Variants in CCDC60 observed in about 807,000 individuals in gnomAD.
CCDC60 encodes coiled-coil domain-containing protein 60.
CCDC60 carries 54 observed loss-of-function variants against 63.5 expected under a neutral mutation model. The ratio of observed to expected loss-of-function variants is 0.85; its 90% CI spans 0.68 to 1.07. The LOEUF (loss-of-function observed/expected upper bound fraction) is 1.07. Ranked by LOEUF, CCDC60 falls within the 50% of genes least tolerant of loss-of-function variation. The pLI is 0.00. For missense variants in CCDC60, 651 were observed against 684.3 expected (o/e 0.95, Z 0.54); for synonymous variants, 206 against 238.8 (o/e 0.86, Z 1.27).
intron 2 of CCDC60, among the ~76,000 whole-genome samples, chr12:119,451,638 G>A (rs1278793131): frequency 2.6e-5 from 4 of 152,164 alleles, no homozygotes; most frequent in Admixed American, 1.3e-4. Context: ...CATCTAGAAT[G>A]TAGATTCTTT....
chr12:119,457,716 C>T lies in CCDC60; in HGVS notation c.171-14278C>T, dbSNP rs184149988. Among the ~76,000 whole-genome samples, 337 of 150,436 alleles carry T rather than the reference C, an allele frequency of 2.2e-3. 5 individuals are homozygous for T. Among genetic ancestry groups the T allele is most frequent in the South Asian group, 0.017 (83 of 4,794 alleles). On this transcript the variant is annotated intron_variant, in intron 2 of 13. Transcript: ENST00000327554. ...ACAAAGATATTAACTTGGTGGTTGG[C>T]GGGGGGGAGAATAATACAACACATC...
intron 11 of CCDC60, 54 bp from the exon 12 acceptor site, chr12:119,528,561 G>A (rs1952753936): frequency 4.4e-6 from 7 of 1,576,824 alleles, no homozygotes; most frequent in Non-Finnish European, 4.3e-6. Context: ...AGCTAAGATG[G>A]TTACAGGAGG....
intron 1 of CCDC60, among the ~76,000 whole-genome samples, chr12:119,385,727 G>A (rs1956053097): frequency 6.6e-6 from 1 of 152,186 alleles, no homozygotes; most frequent in African/African-American, 2.4e-5. Flanking sequence ...TTTGCTACAT[G>A]GACTTGGTTG....
chr12:119,519,401 A>ATGTGTGTGTGTGTGTGTG (rs141127258), intron 8 of CCDC60, among the ~76,000 whole-genome samples: 1 of 136,412 alleles, frequency 7.3e-6, no homozygotes, highest in Non-Finnish European at 1.5e-5. Context: ...AGTGATATAT[A>ATGTGTGTGTGTGTGTGTG]TGTGTGTGTG....
At chr12:119,499,424 C>T (rs184093209) in intron 5 of CCDC60, among the ~76,000 whole-genome samples, 3 of 152,348 alleles carry the variant, frequency 2.0e-5, no homozygotes, top group Admixed American at 1.3e-4. Flanking sequence ...GAAGCTTTAG[C>T]TTCATTCGTT....
intron 1 of CCDC60, among the ~76,000 whole-genome samples, chr12:119,409,417 A>C (rs1353803436): frequency 5.9e-5 from 9 of 152,254 alleles, no homozygotes; most frequent in African/African-American, 2.2e-4. Context: ...TGACAGCCAA[A>C]AAGAACTTCT....
chr12:119,354,078 C>CTCTT (rs5801334), intron 1 of CCDC60, among the ~76,000 whole-genome samples: 93 of 151,156 alleles, frequency 6.2e-4, no homozygotes, highest in African/African-American at 2.1e-3. Context: ...CTCTCTCTCT[C>CTCTT]GTCTCTCTCC....
rs760427436 is a variant in CCDC60 at position 119,505,115 on chromosome 12, CA to C, written c.697del (p.Ser233AlafsTer9). ...ACAATGCGAGTCACCAACCGCAAAC[CA>C]AGCCGGCGAGGCTCCACACTCAGTC... ...IPTMRVTNRK[P>X]SRRGSTLSLS... is the part of the protein sequence containing the mutation. On this transcript the variant is annotated frameshift_variant, in exon 7 of 14. Transcript: ENST00000327554. LOFTEE classifies it high-confidence loss of function. 1.9e-6 allele frequency: 3 copies of C among 1,611,536 alleles called. No homozygotes were observed. Among genetic ancestry groups the C allele is most frequent in the Non-Finnish European group, 1.7e-6 (2 of 1,178,314 alleles).
intron 7 of CCDC60, among the ~76,000 whole-genome samples, chr12:119,510,149 G>A (rs1379703275): frequency 6.6e-6 from 1 of 152,234 alleles, no homozygotes; most frequent in East Asian, 1.9e-4. Context: ...TGAGTCAGAA[G>A]GGACTTTCTA....
chr12:119,335,718 T>C (rs978264264), intron 1 of CCDC60, among the ~76,000 whole-genome samples: 10 of 152,158 alleles, frequency 6.6e-5, no homozygotes, highest in Admixed American at 2.6e-4. Context: ...CAGATAAGTA[T>C]GTTGCGAAAA....
chr12:119,508,391 G>A (rs1952111666), intron 7 of CCDC60, among the ~76,000 whole-genome samples: 1 of 151,794 alleles, frequency 6.6e-6, no homozygotes, highest in East Asian at 1.9e-4. Context: ...TGAGGCAGGA[G>A]AATCGCTTGA....
At chr12:119,393,278 T>C (rs2136202203) in intron 1 of CCDC60, among the ~76,000 whole-genome samples, 1 of 152,318 alleles carries the variant, frequency 6.6e-6, no homozygotes, top group East Asian at 1.9e-4. Flanking sequence ...ATTTGGGCCA[T>C]TTCAAAGATT....
chr12:119,484,459 T>C (rs766386073), intron 4 of CCDC60, among the ~76,000 whole-genome samples: 54 of 152,160 alleles, frequency 3.5e-4, no homozygotes, highest in Non-Finnish European at 4.7e-4. Flanking sequence ...CTCACGTCTG[T>C]AATCCCAGCA....
rs145775308 is a variant in CCDC60 at position 119,449,001 on chromosome 12, C to G, written c.170+20239C>G. Among the ~76,000 whole-genome samples, 424 of 152,324 alleles carry G rather than the reference C, an allele frequency of 2.8e-3. 3 individuals are homozygous for G. The highest frequency in any genetic ancestry group is 0.02 in the Middle Eastern group (6 of 294). Reference sequence around the variant, plus strand: ...GAAGTCAGGCGGTGGGGATTGCAGCCTGGTCAGCATCCTCTAATCCATTGA... The same window carrying G: ...GAAGTCAGGCGGTGGGGATTGCAGCGTGGTCAGCATCCTCTAATCCATTGA... On this transcript the variant is annotated intron_variant, in intron 2 of 13. Transcript: ENST00000327554.
At chr12:119,462,791 C>CATTT (rs61602899) in intron 2 of CCDC60, among the ~76,000 whole-genome samples, 38,204 of 140,722 alleles carry the variant, frequency 0.27, 5,469 homozygotes, top group East Asian at 0.38. Context: ...CAACTAACTT[C>CATTT]ATTTATTTAT....
At chr12:119,358,402 T>G (rs1030187443) in intron 1 of CCDC60, among the ~76,000 whole-genome samples, 1 of 152,130 alleles carries the variant, frequency 6.6e-6, no homozygotes, top group African/African-American at 2.4e-5. Context: ...CCTTCCACCA[T>G]GGGATGACAC....
In CCDC60 at chr12:119,413,360, G is replaced by GCGCCAC. The variant is rs1593051072; in HGVS notation, c.91-15321_91-15316dup. ...ACTTGATTGAAAGCTATGGCATCTA[G>GCGCCAC]CGCCACCTACTGTTATATCGCTGCA... On this transcript the variant is annotated intron_variant, in intron 1 of 13. Transcript: ENST00000327554. 2.0e-5 allele frequency among the ~76,000 whole-genome samples: 3 copies of GCGCCAC among 152,298 alleles called. No individual in the cohort carries two copies. The East Asian group carries it at 5.8e-4, about 29-fold the overall frequency.
At chr12:119,415,235 G>C (rs1358972238) in intron 1 of CCDC60, among the ~76,000 whole-genome samples, 1 of 152,174 alleles carries the variant, frequency 6.6e-6, no homozygotes, top group Admixed American at 6.5e-5. Flanking sequence ...AGAGACCAAG[G>C]AATGCATCAC....
chr12:119,430,641 T>A (rs1032099453), intron 2 of CCDC60, among the ~76,000 whole-genome samples: 1 of 129,800 alleles, frequency 7.7e-6, no homozygotes, highest in Admixed American at 9.9e-5. Context: ...CACTCCAGCC[T>A]GGGCAACACA....
Sources: allele counts gnomAD v4.1 joint callset (sites outside exome capture counted in the v4.1 genomes callset), GRCh38; gene constraint gnomAD v4.1.1; transcripts MANE v1.5; gene names NCBI Gene and HGNC (gene_info 2026-07-23, HGNC 2026-07-21).